TRHDE: variants seen among roughly 807,000 people sequenced by gnomAD.
The protein encoded by TRHDE is thyrotropin-releasing hormone-degrading ectoenzyme.
Under a neutral mutation model 125.7 loss-of-function variants are expected in TRHDE, and 72 were observed. That is an observed-to-expected ratio of 0.57 (90% CI 0.47 to 0.70). TRHDE has a LOEUF of 0.70. Ranked by LOEUF, TRHDE falls within the 30% of genes least tolerant of loss-of-function variation. TRHDE has a pLI of 0.00. For missense variants in TRHDE, 1,110 were observed against 1,327.1 expected (o/e 0.84, Z 2.54); for synonymous variants, 509 against 509.1 (o/e 1.00, Z 0.00).
chr12:72,100,487 A>C (rs1283427516), intron 1 of TRHDE, among the ~76,000 whole-genome samples: 1 of 152,198 alleles, frequency 6.6e-6, no homozygotes, highest in East Asian at 1.9e-4. Context: ...TGTTTACTAG[A>C]AGGTCAGCAA....
chr12:72,160,676 A>G (rs954023785), intron 2 of TRHDE, among the ~76,000 whole-genome samples: 4 of 152,140 alleles, frequency 2.6e-5, no homozygotes, highest in Non-Finnish European at 4.4e-5. Flanking sequence ...TGACAGAGCG[A>G]AACTCCATCT....
intron 5 of TRHDE, among the ~76,000 whole-genome samples, chr12:72,484,109 A>G (rs1877298612): frequency 6.6e-6 from 1 of 152,084 alleles, no homozygotes; most frequent in African/African-American, 2.4e-5. Context: ...GTTTAAGAAA[A>G]TTAGTCGTAT....
chr12:72,151,221 C>T (rs939956713), intron 2 of TRHDE, among the ~76,000 whole-genome samples: 4 of 152,154 alleles, frequency 2.6e-5, no homozygotes, highest in African/African-American at 9.7e-5. Context: ...CTGTTCATAT[C>T]CTTCACCCAC....
At chr12:72,250,648 G>A (rs958215285) in intron 2 of TRHDE, among the ~76,000 whole-genome samples, 8 of 152,010 alleles carry the variant, frequency 5.3e-5, no homozygotes, top group Non-Finnish European at 8.8e-5. Context: ...GCACTAAGCT[G>A]CTTTGAAATG....
Position 72,575,507 on chromosome 12 carries a change from A to G in TRHDE, c.2286A>G (p.Arg762=). Residue 762 remains arginine, a synonymous_variant, in exon 12 of 19, where the codon CGA becomes CGG. Coordinates refer to ENST00000261180, the MANE Select transcript of TRHDE (RefSeq NM_013381.3). ...RNHEVLSVSN[R]AGLIDDAFSL... ...CTCAGGTTCTTTCTGTCAGTAACCG[A>G]GCGGGCTTGATCGATGATGCCTTCA... The G allele has an allele frequency of 6.2e-7, 1 of 1,613,694 alleles. No homozygotes were observed. Among genetic ancestry groups the G allele is most frequent in the Non-Finnish European group, 8.5e-7 (1 of 1,179,730 alleles).
At chr12:72,435,369 A>T (rs1592442857) in intron 3 of TRHDE, among the ~76,000 whole-genome samples, 1 of 152,112 alleles carries the variant, frequency 6.6e-6, no homozygotes, top group Non-Finnish European at 1.5e-5. Context: ...ATGTCAGTTC[A>T]TTGGCATTGG....
chr12:72,432,628 A>G (rs1874545174), intron 3 of TRHDE, among the ~76,000 whole-genome samples: 1 of 152,142 alleles, frequency 6.6e-6, no homozygotes, highest in Non-Finnish European at 1.5e-5. Context: ...AGCAGACATC[A>G]TCAAACATTT....
intron 2 of TRHDE, among the ~76,000 whole-genome samples, chr12:72,371,252 A>G (rs959597101): frequency 1.3e-5 from 2 of 150,392 alleles, no homozygotes; most frequent in African/African-American, 4.9e-5. Context: ...TACATACTTC[A>G]TACTTCCTTA....
At chr12:72,596,870 T>C (rs2136054058) in intron 12 of TRHDE, among the ~76,000 whole-genome samples, 1 of 152,334 alleles carries the variant, frequency 6.6e-6, no homozygotes, top group Middle Eastern at 3.4e-3. Flanking sequence ...ATGAAAAAGA[T>C]AAAATGATAG....
intron 2 of TRHDE, among the ~76,000 whole-genome samples, chr12:72,324,337 C>T: frequency 6.6e-6 from 1 of 152,026 alleles, no homozygotes; most frequent in East Asian, 1.9e-4. Context: ...ACCATAGTCC[C>T]TGATATTTAC....
At chr12:72,639,824 C>G (rs1207250050) in intron 15 of TRHDE, among the ~76,000 whole-genome samples, 15 of 152,234 alleles carry the variant, frequency 9.9e-5, no homozygotes, top group African/African-American at 1.4e-4. Flanking sequence ...GGGGGGTCAG[C>G]AGTCAGGGAC....
At chr12:72,095,031 T>C (rs1017987230) in intron 1 of TRHDE, among the ~76,000 whole-genome samples, 1 of 152,264 alleles carries the variant, frequency 6.6e-6, no homozygotes, top group Non-Finnish European at 1.5e-5. Flanking sequence ...TCTTTAAATA[T>C]CTTTTCTCAG....
At chr12:72,402,858 C>G (rs1873102050) in intron 3 of TRHDE, among the ~76,000 whole-genome samples, 1 of 152,060 alleles carries the variant, frequency 6.6e-6, no homozygotes, top group South Asian at 2.1e-4. Context: ...CCATCTGACT[C>G]TCATATGGTG....
At chr12:72,385,935 A>G (rs1872391313) in intron 3 of TRHDE, among the ~76,000 whole-genome samples, 2 of 152,214 alleles carry the variant, frequency 1.3e-5, no homozygotes, top group African/African-American at 2.4e-5. Flanking sequence ...ATTTAATGCA[A>G]TACAAACCAA....
At chr12:72,263,071 A>C (rs1459462004) in intron 2 of TRHDE, 2 of 152,054 alleles carry the variant, frequency 1.3e-5, no homozygotes, top group East Asian at 3.8e-4. Context: ...GTAAAGGTAA[A>C]ATGTGTTTTG....
At position 72,586,056 on chromosome 12, in the gene TRHDE, A is replaced by G. The variant is rs369410217; in HGVS notation, c.2321+10514A>G. Among the ~76,000 whole-genome samples the G allele has an allele frequency of 3.9e-5, 6 of 152,316 alleles. No homozygotes were observed. In the East Asian group the frequency reaches 9.7e-4, roughly 25 times the overall value. On this transcript the variant is annotated intron_variant, in intron 12 of 18. Coordinates refer to ENST00000261180, the MANE Select transcript of TRHDE (RefSeq NM_013381.3). ...TACTAAACATGCTGATTAGCCAATG[A>G]TAAAGTAAAGAGCTGCTCATATTTT...
chr12:72,201,399 C>T (rs1469513770), intron 2 of TRHDE, among the ~76,000 whole-genome samples: 1 of 151,890 alleles, frequency 6.6e-6, no homozygotes, highest in African/African-American at 2.4e-5. Context: ...ATATTTTTGG[C>T]TAAGATTTTG....
In TRHDE at chr12:72,477,774, C is replaced by T. The variant is rs559886729; in HGVS notation, c.1584+4594C>T. Among the ~76,000 whole-genome samples, 4 of 152,190 alleles carry T rather than the reference C, an allele frequency of 2.6e-5. No individual in the cohort carries two copies. In the South Asian group the frequency reaches 8.3e-4, roughly 32 times the overall value. Reference sequence around the variant, plus strand: ...TATTAAAATACTGCAATGGAGAACTCCTTATTTTAAAGATCTGGTGCCGAT... The same window carrying T: ...TATTAAAATACTGCAATGGAGAACTTCTTATTTTAAAGATCTGGTGCCGAT... On this transcript the variant is annotated intron_variant, in intron 5 of 18. Coordinates refer to ENST00000261180, the MANE Select transcript of TRHDE (RefSeq NM_013381.3).
intron 5 of TRHDE, among the ~76,000 whole-genome samples, chr12:72,495,067 T>TTG (rs1877851760): frequency 7.2e-6 from 1 of 138,032 alleles, no homozygotes; most frequent in Non-Finnish European, 1.6e-5. Flanking sequence ...CCCGTTTTTT[T>TTG]TTTTTTTTTT....
Sources: gnomAD v4.1 joint callset for allele counts (sites outside exome capture counted in the v4.1 genomes callset) on GRCh38, gnomAD v4.1.1 for gene constraint, MANE v1.5 for transcripts, NCBI Gene and HGNC (gene_info 2026-07-23, HGNC 2026-07-21) for gene names.